Variants in FLG observed in about 807,000 individuals in gnomAD.
FLG encodes the protein epidermal filaggrin.
In FLG, 6 loss-of-function variants were observed where a neutral mutation model predicts 3.8. The observed-to-expected ratio is 1.60, with a 90% CI of 0.87 to 3.15. The LOEUF (loss-of-function observed/expected upper bound fraction) is 3.15, where lower values mean the gene tolerates loss of function less well. Among genes scored for constraint, FLG ranks in the 30% most tolerant of loss-of-function variants. The pLI is 0.00. For missense variants in FLG, 7,595 were observed against 5,050.9 expected (o/e 1.50, Z -15.27); for synonymous variants, 2,551 against 1,931.6 (o/e 1.32, Z -8.41).
rs1166580943 is a variant in FLG, at chr1:152,305,920, G to T, written c.8966C>A (p.Ser2989Tyr). 7.0e-7 allele frequency: 1 copy of T among 1,420,676 alleles called. No homozygotes were observed. The highest frequency in any genetic ancestry group is 9.6e-7 in the Non-Finnish European group (1 of 1,045,756). The allele number at this position is 1,420,676 out of a possible 1,614,324, so 88.0% of individuals were successfully genotyped here. ...TCCGTGCCCAATGCCTGAGTGTCTG[G>T]AGCTGTCTGCTGACTGCTGGTGGTG... ...GSHHQQSADSSRHSGIGHGQA... is the reference protein window; with the variant it reads ...GSHHQQSADSYRHSGIGHGQA... Residue 2989 changes from serine to tyrosine, a missense_variant, in exon 3 of 3, where the codon TCC (serine) becomes TAC (tyrosine). By Grantham distance (144) the Ser-to-Tyr change is moderately radical. Transcript: ENST00000368799.
intron 1 of FLG, among the ~76,000 whole-genome samples, chr1:152,318,635 C>A (rs1236949153): frequency 6.6e-6 from 1 of 151,842 alleles, no homozygotes; most frequent in African/African-American, 2.4e-5. Context: ...TACCATCTAT[C>A]TGATGACTTC....
chr1:152,306,140 G>A lies in FLG; in HGVS notation c.8746C>T (p.His2916Tyr), dbSNP rs750188040. The A allele has an allele frequency of 6.2e-7, 1 of 1,600,482 alleles. No individual in the cohort carries two copies. The highest frequency in any genetic ancestry group is 1.7e-5 in the Admixed American group (1 of 59,826). The change falls in exon 3 of 3, where the codon CAT becomes TAT. Residue 2916 changes from histidine to tyrosine, a missense_variant. Coordinates refer to ENST00000368799, the MANE Select transcript of FLG (RefSeq NM_002016.2). ...RWSGSASRNHHGSAQEQLRDG... is the reference protein window; with the variant it reads ...RWSGSASRNHYGSAQEQLRDG... ...CTTAGCTGCTCCTGAGCAGATCCAT[G>A]ATGGTTTCTGGAAGCAGACCCAGAC...
rs138726443 is a variant in FLG at position 152,307,547 on chromosome 1, G to A, written c.7339C>T (p.Arg2447Ter). 6,276 of 1,613,514 alleles carry A rather than the reference G, an allele frequency of 3.9e-3. 15 individuals carry two copies. Among genetic ancestry groups the A allele is most frequent in the Non-Finnish European group, 4.5e-3 (5,330 of 1,179,892 alleles). The part of the protein sequence containing the change: ...GRQGSHHKQA[R>*]DSSRHSTSQE... ...GACGTTGAGTGCCTGGAGCTGTCTC[G>A]TGCCTGCTTGTGGTGGGATCCTTGT... is the stretch of plus-strand genomic sequence containing the variant. The change falls in exon 3 of 3, where the codon CGA becomes TGA. Residue 2447 changes from arginine to a stop codon, truncating the protein, a stop_gained. Coordinates refer to ENST00000368799, the MANE Select transcript of FLG (RefSeq NM_002016.2). LOFTEE classifies it low-confidence loss of function (END_TRUNC).
Position 152,303,099 on chromosome 1 carries a change from A to T in FLG, c.11787T>A (p.Gly3929=). ...QSDSSTAKEH[G]HFSSLSQDSA... is the part of the protein sequence containing the mutation. ...AATCTTGTGAAAGACTACTAAAGTG[A>T]CCATGTTCCTTAGCGGTACTAGAGT... Residue 3929 remains glycine, a synonymous_variant, in exon 3 of 3, where the codon GGT becomes GGA. Coordinates refer to ENST00000368799, the MANE Select transcript of FLG (RefSeq NM_002016.2). 6.2e-7 allele frequency: 1 copy of T among 1,614,176 alleles called. No homozygotes were observed. Among genetic ancestry groups the T allele is most frequent in the Non-Finnish European group, 8.5e-7 (1 of 1,180,038 alleles).
Position 152,308,697 on chromosome 1 carries a change from TCC to T in FLG, c.6187_6188del (p.Gly2063LysfsTer35), listed in dbSNP as rs1315810586. ...GGCTCTGCTGATGGGGCCCAGCTTT[TCC>T]CTGTGCTGACACTGACTGTGTGTCT... The part of the protein sequence containing the change: ...DSDTQSVSAQ[G>X]KAGPHQQSHK... On this transcript the variant is annotated frameshift_variant, in exon 3 of 3. Transcript: ENST00000368799. LOFTEE classifies it low-confidence loss of function (END_TRUNC). The T allele has an allele frequency of 1.2e-6, 2 of 1,614,162 alleles. No homozygotes were observed. Among genetic ancestry groups the T allele is most frequent in the East Asian group, 4.5e-5 (2 of 44,874 alleles).
rs772049367 is a variant in FLG at position 152,308,984 on chromosome 1, C to T, written c.5902G>A (p.Gly1968Arg). The stretch of plus-strand genomic sequence containing the variant: ...TGTCTGGAGCTGTCTGCAGAGTGCC[C>T]GTGACCGGCTCTGTCTTCGTGATGG... ...GSHHEDRAGH[G>R]HSADSSRQSG... is the part of the protein sequence containing the mutation. The change falls in exon 3 of 3, where the codon GGG (glycine) becomes AGG (arginine). Residue 1968 changes from glycine (G) to arginine (R), a missense_variant. By Grantham distance (125) the Gly-to-Arg change is moderately radical. Transcript: ENST00000368799. 1.8e-5 allele frequency: 29 copies of T among 1,614,012 alleles called. No homozygotes were observed. The highest frequency in any genetic ancestry group is 4.0e-5 in the African/African-American group (3 of 74,914).
chr1:152,314,347 G>C lies in FLG; in HGVS notation c.539C>G (p.Ser180Ter), dbSNP rs1353723795. Residue 180 changes from serine to a stop codon, truncating the protein, a stop_gained, in exon 3 of 3, where the codon TCA becomes TGA. Transcript: ENST00000368799. LOFTEE classifies it low-confidence loss of function (END_TRUNC). The stretch of plus-strand genomic sequence containing the variant: ...AGTCTTGTTTTTCTCTTTTTTACTT[G>C]AGTTATGATGGTTTTTTCCATATTC... ...EEEYGKNHHN[S>*]SKKEKNKTEN... 7.4e-6 allele frequency: 12 copies of C among 1,611,940 alleles called. No homozygotes were observed. Among genetic ancestry groups the C allele is most frequent in the Non-Finnish European group, 1.0e-5 (12 of 1,179,332 alleles).
chr1:152,312,896 G>C lies in FLG; in HGVS notation c.1990C>G (p.His664Asp). ...RDGSRHPRSH[H>D]EDRAGHGHSA... ...TGCCCATGACCAGCTCTGTCTTCGT[G>C]ATGGGACCTGGGGTGTCTGGAGCCA... is the stretch of plus-strand genomic sequence containing the variant. The change falls in exon 3 of 3, where the codon CAC (histidine) becomes GAC (aspartate). Residue 664 changes from histidine to aspartate, a missense_variant. Coordinates refer to ENST00000368799, the MANE Select transcript of FLG (RefSeq NM_002016.2). 11 of 1,613,990 alleles carry C rather than the reference G, an allele frequency of 6.8e-6. No homozygotes were observed. Among genetic ancestry groups the C allele is most frequent in the Non-Finnish European group, 9.3e-6 (11 of 1,180,016 alleles).
At position 152,303,154 on chromosome 1, in the gene FLG, CT is replaced by C; in HGVS notation, c.11731del (p.Ser3911ValfsTer62). Reference sequence around the variant, plus strand: ...CTGTACAGGTGAAGACTGTACATGACTGGCTGTATCGCGGTGAGAGGATCCG... The same window carrying C: ...CTGTACAGGTGAAGACTGTACATGACGGCTGTATCGCGGTGAGAGGATCCG... ...HPGSSHRDTASHVQSSPVQSD... is the reference protein window; with the variant it reads ...HPGSSHRDTAXHVQSSPVQSD... On this transcript the variant is annotated frameshift_variant, in exon 3 of 3. Coordinates refer to ENST00000368799, the MANE Select transcript of FLG (RefSeq NM_002016.2). LOFTEE classifies it low-confidence loss of function (END_TRUNC). 1 of 1,614,202 alleles carries C rather than the reference CT, an allele frequency of 6.2e-7. No homozygotes were observed. Among genetic ancestry groups the C allele is most frequent in the Non-Finnish European group, 8.5e-7 (1 of 1,180,034 alleles).
Position 152,304,901 on chromosome 1 carries a change from C to A in FLG, c.9985G>T (p.Asp3329Tyr). The change falls in exon 3 of 3, where the codon GAC becomes TAC. Residue 3329 changes from aspartate (D) to tyrosine (Y), a missense_variant. Physicochemically the swap from Asp to Tyr is radical, Grantham distance 160. Coordinates refer to ENST00000368799, the MANE Select transcript of FLG (RefSeq NM_002016.2). ...CCACTGGACCCCCAGTGTCTACTGT[C>A]TCTGACTGCAGATGAAGCTTGTCCA... ...PRGQASSAVR[D>Y]SRHWGSSGSQ... 1 of 1,613,774 alleles carries A rather than the reference C, an allele frequency of 6.2e-7. No homozygotes were observed. Among genetic ancestry groups the A allele is most frequent in the Non-Finnish European group, 8.5e-7 (1 of 1,179,950 alleles).
At position 152,312,810 on chromosome 1, in the gene FLG, C is replaced by G. The variant is rs1165382237; in HGVS notation, c.2076G>C (p.Gln692His). Reference sequence around the variant, plus strand: ...TTGCCTGTTCATGGGATGACGCAGCCTGTCCACTAGAGGAATTCTGTGTGT... The same window carrying G: ...TTGCCTGTTCATGGGATGACGCAGCGTGTCCACTAGAGGAATTCTGTGTGT... ...TRHTQNSSSG[Q>H]AASSHEQARS... Residue 692 changes from glutamine (Q) to histidine (H), a missense_variant, in exon 3 of 3, where the codon CAG (glutamine) becomes CAC (histidine). By Grantham distance (24) the Gln-to-His change is conservative. Coordinates refer to ENST00000368799, the MANE Select transcript of FLG (RefSeq NM_002016.2). 8 of 1,613,976 alleles carry G rather than the reference C, an allele frequency of 5.0e-6. No homozygotes were observed. The Admixed American group carries it at 1.0e-4, about 20-fold the overall frequency.
rs1651718865 is a variant in FLG, at chr1:152,303,357, T to G, written c.11529A>C (p.Ser3843=). The change falls in exon 3 of 3, where the codon TCA becomes TCC. Residue 3843 remains serine, a synonymous_variant. Coordinates refer to ENST00000368799, the MANE Select transcript of FLG (RefSeq NM_002016.2). ...CCGCTGATTCACCCTGGCCGGACTGTGAGTGTCTAGAGCTGTCAGCCTGAG... is the reference window on the plus strand; with the variant it reads ...CCGCTGATTCACCCTGGCCGGACTGGGAGTGTCTAGAGCTGTCAGCCTGAG... The part of the protein sequence containing the change: ...ASTQADSSRH[S]QSGQGESAGS... 1.9e-6 allele frequency: 3 copies of G among 1,614,082 alleles called. No individual in the cohort carries two copies. Among genetic ancestry groups the G allele is most frequent in the Non-Finnish European group, 2.5e-6 (3 of 1,180,010 alleles).
chr1:152,312,824 A>G lies in FLG; in HGVS notation c.2062T>C (p.Ser688Pro), dbSNP rs762048285. ...GATGACGCAGCCTGTCCACTAGAGG[A>G]ATTCTGTGTGTGACGAGTGCCTGAT... is the stretch of plus-strand genomic sequence containing the variant. ...RKSGTRHTQN[S>P]SSGQAASSHE... is the part of the protein sequence containing the mutation. The change falls in exon 3 of 3, where the codon TCC (serine) becomes CCC (proline). Residue 688 changes from serine to proline, a missense_variant. By Grantham distance (74) the Ser-to-Pro change is moderately conservative. Transcript: ENST00000368799. 3.1e-6 allele frequency: 5 copies of G among 1,613,818 alleles called. No homozygotes were observed. The South Asian group carries it at 5.5e-5, about 18-fold the overall frequency.
At position 152,312,282 on chromosome 1, in the gene FLG, C is replaced by T. The variant is rs771988615; in HGVS notation, c.2604G>A (p.Gly868=). The stretch of plus-strand genomic sequence containing the variant: ...GGGATGTGGTGTGGCTGTGATGGGA[C>T]CCTGAGTGTCCAGACCTATCTACCG... The part of the protein sequence containing the change: ...EQSVDRSGHS[G]SHHSHTTSQG... Residue 868 remains glycine, a synonymous_variant, in exon 3 of 3, where the codon GGG becomes GGA. Coordinates refer to ENST00000368799, the MANE Select transcript of FLG (RefSeq NM_002016.2). 1 of 1,613,622 alleles carries T rather than the reference C, an allele frequency of 6.2e-7. No homozygotes were observed. Among genetic ancestry groups the T allele is most frequent in the Non-Finnish European group, 8.5e-7 (1 of 1,179,908 alleles).
rs1480383864 is a variant in FLG at position 152,309,331 on chromosome 1, G to A, written c.5555C>T (p.Ser1852Phe). 3 of 1,613,892 alleles carry A rather than the reference G, an allele frequency of 1.9e-6. No homozygotes were observed. Among genetic ancestry groups the A allele is most frequent in the Non-Finnish European group, 1.7e-6 (2 of 1,179,988 alleles). Reference sequence around the variant, plus strand: ...TCCTGACTGCCCACGGGAGACATCAGACCTTTCCTGGGACGTGGTGTGGCT... The same window carrying A: ...TCCTGACTGCCCACGGGAGACATCAAACCTTTCCTGGGACGTGGTGTGGCT... ...HHSHTTSQER[S>F]DVSRGQSGSR... Residue 1852 changes from serine (S) to phenylalanine (F), a missense_variant, in exon 3 of 3, where the codon TCT becomes TTT. Transcript: ENST00000368799.
chr1:152,309,606 T>C lies in FLG; in HGVS notation c.5280A>G (p.Gly1760=), dbSNP rs1277640740. 4.3e-6 allele frequency: 7 copies of C among 1,613,722 alleles called. No homozygotes were observed. The highest frequency in any genetic ancestry group is 5.9e-6 in the Non-Finnish European group (7 of 1,179,984). The change falls in exon 3 of 3, where the codon GGA becomes GGG. Residue 1760 remains glycine, a synonymous_variant. Transcript: ENST00000368799. ...STRGQSGERS[G]RSGSFLYQVS... Reference sequence around the variant, plus strand: ...CCTGGTAGAGGAAAGACCCTGAACGTCCAGACCTTTCCCCTGACTGGCCAC... The same window carrying C: ...CCTGGTAGAGGAAAGACCCTGAACGCCCAGACCTTTCCCCTGACTGGCCAC...
At position 152,307,052 on chromosome 1, in the gene FLG, C is replaced by G; in HGVS notation, c.7834G>C (p.Asp2612His). The change falls in exon 3 of 3, where the codon GAC becomes CAC. Residue 2612 changes from aspartate (D) to histidine (H), a missense_variant. Asp to His is a moderately conservative substitution (Grantham distance 81). Transcript: ENST00000368799. ...GSRHPRSHQEDRAGHGHSADS... is the reference protein window; with the variant it reads ...GSRHPRSHQEHRAGHGHSADS... ...GCAGAGTGCCCATGACCAGCTCTGT[C>G]TTCTTGATGGGACCTGGGGTGTCTG... is the stretch of plus-strand genomic sequence containing the variant. 2 of 1,607,280 alleles carry G rather than the reference C, an allele frequency of 1.2e-6. No individual in the cohort carries two copies. The highest frequency in any genetic ancestry group is 2.2e-5 in the East Asian group (1 of 44,622).
Position 152,311,652 on chromosome 1 carries a change from T to C in FLG, c.3234A>G (p.Ser1078=), listed in dbSNP as rs1652439949. ...ACACTGACTGTGTGTCTGACTCCTC[T>C]GAATGTCCCTCACTATCACTGGCCT... ...GSQASDSEGH[S]EESDTQSVSG... The change falls in exon 3 of 3, where the codon TCA becomes TCG. Residue 1078 remains serine, a synonymous_variant. Coordinates refer to ENST00000368799, the MANE Select transcript of FLG (RefSeq NM_002016.2). 3 of 1,614,040 alleles carry C rather than the reference T, an allele frequency of 1.9e-6. No individual in the cohort carries two copies. Among genetic ancestry groups the C allele is most frequent in the Non-Finnish European group, 8.5e-7 (1 of 1,180,040 alleles).
Position 152,306,220 on chromosome 1 carries a change from G to A in FLG, c.8666C>T (p.Ser2889Phe). Residue 2889 changes from serine (S) to phenylalanine (F), a missense_variant, in exon 3 of 3, where the codon TCC becomes TTC. Coordinates refer to ENST00000368799, the MANE Select transcript of FLG (RefSeq NM_002016.2). ...EGSRRSRRQG[S>F]SVSQDSDSEG... ...ACTGTCACTGTCCTGGCTCACACTG[G>A]ATCCCTGGCGCCTGCTTCTCCTGGA... The A allele has an allele frequency of 6.2e-7, 1 of 1,604,386 alleles. No individual in the cohort carries two copies. Among genetic ancestry groups the A allele is most frequent in the Non-Finnish European group, 8.5e-7 (1 of 1,180,016 alleles).
Sources: gnomAD v4.1 joint callset for allele counts (sites outside exome capture counted in the v4.1 genomes callset) on GRCh38, gnomAD v4.1.1 for gene constraint, MANE v1.5 for transcripts, NCBI Gene and HGNC (gene_info 2026-07-23, HGNC 2026-07-21) for gene names.